The following SERAC1 variants were observed in gnomAD, a reference collection of about 807,000 sequenced individuals.
SERAC1 encodes the protein serine active site containing 1.
SERAC1 carries 36 observed loss-of-function variants against 85.7 expected under a neutral mutation model. The observed-to-expected ratio is 0.42, with a 90% CI of 0.32 to 0.55. SERAC1 has a LOEUF of 0.55. Among genes scored for constraint, SERAC1 ranks in the 20% least tolerant of loss-of-function variants. The pLI is 0.11. For synonymous variants in SERAC1, 242 were observed against 265.3 expected, an observed-to-expected ratio of 0.91 and a Z score of 0.85; for missense variants, 629 against 796.2, an observed-to-expected ratio of 0.79 and a Z score of 2.53.
At chr6:158,148,451 C>CT (rs1020106812) in intron 5 of SERAC1, among the ~76,000 whole-genome samples, 10 of 151,200 alleles carry the variant, frequency 6.6e-5, no homozygotes, top group South Asian at 2.1e-4. Flanking sequence ...AATTACTTTG[C>CT]TTTTTTTTTG....
rs190281340 is a variant in SERAC1, at chr6:158,160,226, T to C, written c.-1-1862A>G. ...CCCCTTTTGTTGTCCTTTTTTTTTT[T>C]ATTCATTAAGCAAATACTTATCTGA... On this transcript the variant is annotated intron_variant, in intron 1 of 16. Coordinates refer to ENST00000647468, the MANE Select transcript of SERAC1 (RefSeq NM_032861.4). Among the ~76,000 whole-genome samples the C allele has an allele frequency of 9.9e-5, 15 of 152,178 alleles. 1 individual carries two copies. Among genetic ancestry groups the C allele is most frequent in the Admixed American group, 7.9e-4 (12 of 15,254 alleles).
chr6:158,143,275 A>G, intron 7 of SERAC1, 91 bp from the exon 8 acceptor site: 1 of 1,496,128 alleles, frequency 6.7e-7, no homozygotes, highest in Non-Finnish European at 9.0e-7. Flanking sequence ...TATTTGCCAT[A>G]TATATCAAAG....
At position 158,128,110 on chromosome 6, in the gene SERAC1, G is replaced by C; in HGVS notation, c.1013C>G (p.Ser338Ter). The C allele has an allele frequency of 3.1e-6, 5 of 1,613,500 alleles. No individual in the cohort carries two copies. The highest frequency in any genetic ancestry group is 4.2e-6 in the Non-Finnish European group (5 of 1,179,684). Residue 338 changes from serine to a stop codon, truncating the protein, a stop_gained and splice_region_variant, in exon 10 of 17, where the codon TCA becomes TGA. Transcript: ENST00000647468. LOFTEE classifies it high-confidence loss of function. ...NEHLHSSIVR[S>*]GWVSIMAEAM... ...TACTCAGTATATAAAGCTGTTACCT[G>C]AGCGAACTATAGAAGAATGAAGATG... is the stretch of plus-strand genomic sequence containing the variant.
At chr6:158,114,131 A>ATTAT (rs1032003354) in intron 15 of SERAC1, among the ~76,000 whole-genome samples, 1 of 152,172 alleles carries the variant, frequency 6.6e-6, no homozygotes. Flanking sequence ...GATCTTTAGA[A>ATTAT]TTATTTGAAA....
chr6:158,147,798 A>AAAAAAAAAAAT (rs1785107511), intron 5 of SERAC1, among the ~76,000 whole-genome samples: 1 of 137,860 alleles, frequency 7.3e-6, no homozygotes, highest in African/African-American at 2.6e-5. Context: ...AAAAAAAAAA[A>AAAAAAAAAAAT]AAGAATAACA....
Position 158,144,385 on chromosome 6 carries a change from G to C in SERAC1, c.523C>G (p.Pro175Ala). 1.9e-6 allele frequency: 3 copies of C among 1,613,034 alleles called. No homozygotes were observed. In the South Asian group the frequency reaches 3.3e-5, roughly 18 times the overall value. ...QYRIIAQACD[P>A]KTLIGLARSE... ...CGTGCCAAACCAATAAGAGTTTTCG[G>C]ATCACAGGCTTGAGCAATTATCCTA... Residue 175 changes from proline to alanine, a missense_variant, in exon 7 of 17, where the codon CCG (proline) becomes GCG (alanine). Pro to Ala is a conservative substitution (Grantham distance 27, BLOSUM62 -1). Coordinates refer to ENST00000647468, the MANE Select transcript of SERAC1 (RefSeq NM_032861.4).
At chr6:158,140,705 G>A (rs556121664) in intron 8 of SERAC1, among the ~76,000 whole-genome samples, 1 of 152,174 alleles carries the variant, frequency 6.6e-6, no homozygotes, top group Non-Finnish European at 1.5e-5. Flanking sequence ...ATCTGAAGTG[G>A]GGGGCAGTCC....
chr6:158,146,709 C>T, intron 6 of SERAC1, 73 bp downstream of exon 6: 5 of 1,586,562 alleles, frequency 3.2e-6, no homozygotes, highest in Non-Finnish European at 4.3e-6. Flanking sequence ...CGCACCTGGC[C>T]ACTCCCTTGT....
At chr6:158,146,691 T>TG (rs764573297) in intron 6 of SERAC1, 91 bp downstream of exon 6, 126 of 1,524,094 alleles carry the variant, frequency 8.3e-5, no homozygotes, top group Admixed American at 5.6e-4. Context: ...ATTACAGGCG[T>TG]GAGCCACCGC....
intron 14 of SERAC1, 110 bp from the exon 15 acceptor site, chr6:158,115,081 TTTA>T: frequency 8.2e-7 from 1 of 1,223,104 alleles, no homozygotes; most frequent in East Asian, 2.3e-5. Context: ...ATGCTTTCTT[TTTA>T]AAAAAAATGG....
In SERAC1 at chr6:158,117,484, G is replaced by GAACA. The variant is rs1241487069; in HGVS notation, c.1403+239_1403+242dup. On this transcript the variant is annotated intron_variant, in intron 13 of 16. Transcript: ENST00000647468. The surrounding 1 kb of genome is among the most constrained non-coding windows in gnomAD (Gnocchi z 4.3). The stretch of plus-strand genomic sequence containing the variant: ...GACAATCCACGATCCTTCACTATTA[G>GAACA]AACAGTTGTAAATAAACCATGTTAG... 9 of 1,544,746 alleles carry GAACA rather than the reference G, an allele frequency of 5.8e-6. No individual in the cohort carries two copies. The East Asian group carries it at 9.8e-5, about 17-fold the overall frequency.
chr6:158,129,153 T>C (rs1211154250), intron 9 of SERAC1, among the ~76,000 whole-genome samples: 1 of 152,254 alleles, frequency 6.6e-6, no homozygotes, highest in Non-Finnish European at 1.5e-5. Context: ...TGCACTGTCC[T>C]TTCTACTGAA....
chr6:158,133,429 A>G (rs1212580131), intron 8 of SERAC1, among the ~76,000 whole-genome samples: 1 of 117,528 alleles, frequency 8.5e-6, no homozygotes, highest in East Asian at 2.7e-4. Flanking sequence ...TCTGTCGCCC[A>G]GGCTGGAGTG....
chr6:158,114,480 A>G, intron 15 of SERAC1: 1 of 1,130,744 alleles, frequency 8.8e-7, no homozygotes, highest in East Asian at 4.6e-5. Flanking sequence ...CTCATGGGGG[A>G]AAAAAGCCAT....
At chr6:158,114,563 A>G (rs2128410446) in intron 15 of SERAC1, 1 of 1,224,166 alleles carries the variant, frequency 8.2e-7, no homozygotes, top group Non-Finnish European at 1.0e-6. Flanking sequence ...AGTATTTAAG[A>G]TAATATTAAA....
At position 158,127,274 on chromosome 6, in the gene SERAC1, G is replaced by A. The variant is rs1480003400; in HGVS notation, c.1015+834C>T. On this transcript the variant is annotated intron_variant, in intron 10 of 16. Transcript: ENST00000647468. ...TCTCGGCCCCCCCGCCCAGCCAGCC[G>A]CCCTGTCCGGGAGGTGAGGGGCGCC... is the stretch of plus-strand genomic sequence containing the variant. 1.4e-3 allele frequency among the ~76,000 whole-genome samples: 4 copies of A among 2,878 alleles called. 1 individual carries two copies. The highest frequency in any genetic ancestry group is 2.9e-3 in the Non-Finnish European group (4 of 1,402). 1.9% of individuals were successfully genotyped at this position (2,878 alleles called of 152,430 possible).
At chr6:158,114,404 G>A (rs1019384083) in intron 15 of SERAC1, 3 of 805,918 alleles carry the variant, frequency 3.7e-6, no homozygotes, top group East Asian at 9.7e-5. Context: ...TCAAACCAGA[G>A]TACTTTAAAA....
At chr6:158,127,250 C>CATGAGGGGTAGAGGTGGGAGAACAAAG (rs138622272) in intron 10 of SERAC1, among the ~76,000 whole-genome samples, 6 of 68,866 alleles carry the variant, frequency 8.7e-5, no homozygotes, top group South Asian at 5.0e-4. Context: ...ATGAACATAT[C>CATGAGGGGTAGAGGTGGGAGAACAAAG]TCGGCCCCCC....
At chr6:158,139,835 A>T (rs998918922) in intron 8 of SERAC1, among the ~76,000 whole-genome samples, 2 of 152,380 alleles carry the variant, frequency 1.3e-5, no homozygotes, top group Non-Finnish European at 2.9e-5. Context: ...CAGCACGTGA[A>T]AAGATGCCCA....
Sources: gnomAD v4.1 joint callset for allele counts (sites outside exome capture counted in the v4.1 genomes callset) on GRCh38, gnomAD v4.1.1 for gene constraint, Gnocchi (gnomAD v3.1) non-coding constraint, MANE v1.5 for transcripts, NCBI Gene and HGNC (gene_info 2026-07-23, HGNC 2026-07-21) for gene names.